The following PIKFYVE variants were observed in gnomAD, a reference collection of about 807,000 sequenced individuals.
The protein encoded by PIKFYVE is phosphoinositide kinase, FYVE-type zinc finger containing.
In PIKFYVE, 122 loss-of-function variants were observed where a neutral mutation model predicts 257.9. The ratio of observed to expected loss-of-function variants is 0.47; its 90% CI spans 0.41 to 0.55. PIKFYVE has a LOEUF of 0.55. Ranked by LOEUF, PIKFYVE falls within the 20% of genes least tolerant of loss-of-function variation. The pLI, the probability that PIKFYVE is intolerant of heterozygous loss-of-function variation, is 0.00. For missense variants in PIKFYVE, 2,160 were observed against 2,536.6 expected (o/e 0.85, Z 3.19); for synonymous variants, 892 against 868.9 (o/e 1.03, Z -0.47).
intron 5 of PIKFYVE, among the ~76,000 whole-genome samples, chr2:208,280,146 T>C (rs993781158): frequency 2.6e-5 from 4 of 152,186 alleles, no homozygotes; most frequent in Admixed American, 6.5e-5. Flanking sequence ...ATAAAACCTT[T>C]CTTGTTAATA....
chr2:208,347,967 A>G lies in PIKFYVE; in HGVS notation c.5318A>G (p.Tyr1773Cys). 1 of 1,614,132 alleles carries G rather than the reference A, an allele frequency of 6.2e-7. No individual in the cohort carries two copies. Among genetic ancestry groups the G allele is most frequent in the East Asian group, 2.2e-5 (1 of 44,880 alleles). ...ETLRGADSAY[Y>C]QVGQTGKEGT... Reference sequence around the variant, plus strand: ...TTACGTGGAGCAGATAGTGCTTACTACCAGGTTGGGCAGACGGGCAAGGAG... The same window carrying G: ...TTACGTGGAGCAGATAGTGCTTACTGCCAGGTTGGGCAGACGGGCAAGGAG... The change falls in exon 35 of 42, where the codon TAC (tyrosine) becomes TGC (cysteine). Residue 1773 changes from tyrosine (Y) to cysteine (C), a missense_variant. By Grantham distance (194) the Tyr-to-Cys change is radical. Transcript: ENST00000264380.
intron 5 of PIKFYVE, among the ~76,000 whole-genome samples, chr2:208,283,759 T>C (rs1011331377): frequency 1.4e-5 from 2 of 143,350 alleles, no homozygotes; most frequent in Non-Finnish European, 2.9e-5. Flanking sequence ...TAGTTTTGTA[T>C]TTTTTATTGA....
intron 10 of PIKFYVE, 40 bp downstream of exon 10, chr2:208,302,393 C>G (rs755884205): frequency 6.7e-7 from 1 of 1,502,800 alleles, no homozygotes. Flanking sequence ...ATGTAGCAAG[C>G]TTATTTTATA....
Position 208,355,456 on chromosome 2 carries a change from A to G in PIKFYVE, c.*151A>G, listed in dbSNP as rs1361361253. The stretch of plus-strand genomic sequence containing the variant: ...TGGCTGTTTAGACTGTCCGTAATGG[A>G]ATGGTAAAACTCCATGAATTTGCAC... On this transcript the variant is annotated 3_prime_UTR_variant, in exon 42 of 42. Coordinates refer to ENST00000264380, the MANE Select transcript of PIKFYVE (RefSeq NM_015040.4). 4.7e-6 allele frequency: 3 copies of G among 645,116 alleles called. No homozygotes were observed. Among genetic ancestry groups the G allele is most frequent in the Non-Finnish European group, 5.4e-6 (2 of 373,254 alleles). 40.0% of individuals were successfully genotyped at this position (645,116 alleles called of 1,614,324 possible).
chr2:208,307,782 A>G lies in PIKFYVE; in HGVS notation c.1636+2769A>G, dbSNP rs1185620246. 3.3e-5 allele frequency among the ~76,000 whole-genome samples: 5 copies of G among 152,338 alleles called. No individual in the cohort carries two copies. The East Asian group carries it at 5.8e-4, about 18-fold the overall frequency. On this transcript the variant is annotated intron_variant, in intron 12 of 41. Transcript: ENST00000264380. ...TACAAGATTGATAAATCAGAAGACTATAATAGATACTATCTTTGTTGATGT... is the reference window on the plus strand; with the variant it reads ...TACAAGATTGATAAATCAGAAGACTGTAATAGATACTATCTTTGTTGATGT...
rs1023440412 is a variant in PIKFYVE, at chr2:208,346,298, T to C, written c.5209+151T>C. 5 of 722,688 alleles carry C rather than the reference T, an allele frequency of 6.9e-6. No individual in the cohort carries two copies. In the East Asian group the frequency reaches 1.1e-4, roughly 16 times the overall value. 44.8% of individuals were successfully genotyped at this position (722,688 alleles called of 1,614,324 possible). A position where few individuals can be genotyped will look rare whatever the true frequency, so the allele number is the denominator to read the frequency against. ...CAAATTTAGATATTTTTGTATGCCC[T>C]CTTTATACGTGTTTTGCTTTTCTTC... On this transcript the variant is annotated intron_variant, in intron 34 of 41. Coordinates refer to ENST00000264380, the MANE Select transcript of PIKFYVE (RefSeq NM_015040.4).
chr2:208,322,347 T>G (rs1030330244), intron 17 of PIKFYVE, among the ~76,000 whole-genome samples: 1 of 128,564 alleles, frequency 7.8e-6, no homozygotes, highest in African/African-American at 2.9e-5. Flanking sequence ...CACTCCAGCC[T>G]GGGTAACAGA....
intron 1 of PIKFYVE, among the ~76,000 whole-genome samples, chr2:208,267,715 G>T (rs1231977845): frequency 1.3e-5 from 2 of 152,022 alleles, no homozygotes; most frequent in African/African-American, 4.8e-5. Context: ...CCATGTTAGC[G>T]AAGCTGGTTT....
chr2:208,350,069 C>T lies in PIKFYVE; in HGVS notation c.5420C>T (p.Pro1807Leu), dbSNP rs761534466. The T allele has an allele frequency of 4.8e-5, 77 of 1,612,232 alleles. No individual in the cohort carries two copies. The highest frequency in any genetic ancestry group is 6.4e-5 in the Non-Finnish European group (76 of 1,178,956). Residue 1807 changes from proline to leucine, a missense_variant, in exon 36 of 42, where the codon CCT (proline) becomes CTT (leucine). Pro to Leu is a moderately conservative substitution (Grantham distance 98). Around this residue, in one of 12 missense-constraint regions of PIKFYVE, gnomAD observed 699 missense variants for 855.8 expected, o/e 0.82. Transcript: ENST00000264380. ...ACACAAAAGAAGCAACTCATAAATCCTCATGTGGAACTTCGTAAGTATGAG... is the reference window on the plus strand; with the variant it reads ...ACACAAAAGAAGCAACTCATAAATCTTCATGTGGAACTTCGTAAGTATGAG... ...GDTQKKQLIN[P>L]HVELQFSDAN...
intron 10 of PIKFYVE, among the ~76,000 whole-genome samples, chr2:208,302,904 A>G (rs1286485730): frequency 1.3e-5 from 2 of 152,056 alleles, no homozygotes; most frequent in Non-Finnish European, 2.9e-5. Context: ...ACATGGTGAA[A>G]TCCCGTCTCT....
intron 15 of PIKFYVE, among the ~76,000 whole-genome samples, chr2:208,317,005 C>T (rs1383123176): frequency 3.3e-5 from 5 of 151,670 alleles, no homozygotes; most frequent in Non-Finnish European, 5.9e-5. Flanking sequence ...AAGACTTAAA[C>T]GTTAGACCTA....
intron 28 of PIKFYVE, among the ~76,000 whole-genome samples, chr2:208,337,761 G>A (rs917475201): frequency 2.0e-5 from 3 of 151,952 alleles, no homozygotes; most frequent in Admixed American, 6.6e-5. Flanking sequence ...TCACTCTGTC[G>A]TGCATGCTGG....
rs372784183 is a variant in PIKFYVE, at chr2:208,347,940, C to A, written c.5291C>A (p.Thr1764Asn). 156 of 1,613,672 alleles carry A rather than the reference C, an allele frequency of 9.7e-5. No individual in the cohort carries two copies. Among genetic ancestry groups the A allele is most frequent in the Non-Finnish European group, 1.3e-4 (150 of 1,179,750 alleles). ...SPDLSSQKRE[T>N]LRGADSAYYQ... ...GATCTCTCTTCCCAGAAGAGAGAGACCTTACGTGGAGCAGATAGTGCTTAC... is the reference window on the plus strand; with the variant it reads ...GATCTCTCTTCCCAGAAGAGAGAGAACTTACGTGGAGCAGATAGTGCTTAC... Residue 1764 changes from threonine to asparagine, a missense_variant, in exon 35 of 42, where the codon ACC becomes AAC. This residue lies in a region of PIKFYVE where 699 missense variants were observed against 855.8 expected (regional missense o/e 0.82). Transcript: ENST00000264380.
At chr2:208,286,923 T>G (rs1691648792) in intron 6 of PIKFYVE, among the ~76,000 whole-genome samples, 1 of 152,216 alleles carries the variant, frequency 6.6e-6, no homozygotes, top group East Asian at 1.9e-4. Context: ...TCTGATAAGT[T>G]AATTTCTCAG....
rs950665019 is a variant in PIKFYVE at position 208,358,703 on chromosome 2, A to G, written c.*3398A>G. ...CTGCCTTGAACTTTTGGAGACTTGT[A>G]CTGTAAATAAAGAAATCTTAACAAT... On this transcript the variant is annotated 3_prime_UTR_variant, in exon 42 of 42. Transcript: ENST00000264380. The G allele has an allele frequency of 3.9e-5, 6 of 152,636 alleles. No individual in the cohort carries two copies. Among genetic ancestry groups the G allele is most frequent in the African/African-American group, 1.4e-4 (6 of 41,448 alleles). The allele number at this position is 152,636 out of a possible 1,614,324, so 9.5% of individuals were successfully genotyped here. A position where few individuals can be genotyped will look rare whatever the true frequency, so the allele number is the denominator to read the frequency against.
intron 11 of PIKFYVE, 135 bp downstream of exon 11, chr2:208,304,453 G>A: frequency 5.0e-6 from 6 of 1,201,288 alleles, no homozygotes; most frequent in Non-Finnish European, 6.0e-6. Context: ...TCTGATAGCA[G>A]TCTTTGTCTT....
intron 1 of PIKFYVE, among the ~76,000 whole-genome samples, chr2:208,269,115 A>G (rs1343224449): frequency 6.6e-6 from 1 of 152,214 alleles, no homozygotes; most frequent in Non-Finnish European, 1.5e-5. Context: ...TTGTAAGAGT[A>G]AAATGAGATG....
At chr2:208,350,981 G>A (rs1699721263) in intron 37 of PIKFYVE, 34 bp downstream of exon 37, 2 of 1,612,536 alleles carry the variant, frequency 1.2e-6, no homozygotes, top group South Asian at 2.2e-5. Context: ...GATTGGTTCA[G>A]TAGTCTTCAT....
chr2:208,338,231 G>A (rs1456791057), intron 28 of PIKFYVE, among the ~76,000 whole-genome samples: 1 of 151,498 alleles, frequency 6.6e-6, no homozygotes, highest in African/African-American at 2.4e-5. Context: ...TTAGAAAATC[G>A]GTATGTTACG....
Sources: allele counts gnomAD v4.1 joint callset (sites outside exome capture counted in the v4.1 genomes callset), GRCh38; gene constraint gnomAD v4.1.1; regional missense constraint gnomAD v4.1.1; transcripts MANE v1.5; gene names NCBI Gene and HGNC (gene_info 2026-07-23, HGNC 2026-07-21).